Variants in DCAF5 observed in about 807,000 individuals in gnomAD.
DCAF5 encodes DDB1- and CUL4-associated factor 5.
Under a neutral mutation model 80.7 loss-of-function variants are expected in DCAF5, and 9 were observed. The observed-to-expected ratio is 0.11, with a 90% CI of 0.07 to 0.19. DCAF5 has a LOEUF of 0.19. DCAF5 is among the 10% of genes least tolerant of loss of function. The pLI is 1.00. For synonymous variants in DCAF5, 433 were observed against 461.9 expected (o/e 0.94, Z 0.80); for missense variants, 842 against 1,205.7 (o/e 0.70, Z 4.47).
In DCAF5 at chr14:69,052,316, C is replaced by T. The variant is rs910329737; in HGVS notation, c.*1541G>A. ...TGGCTCCAGTTCCAGCAGGACAGGC[C>T]TTCCTCTGAAAGGAAGCCTGGGGCA... On this transcript the variant is annotated 3_prime_UTR_variant, in exon 9 of 9. Transcript: ENST00000341516. 6.5e-6 allele frequency: 1 copy of T among 152,736 alleles called. No individual in the cohort carries two copies. The highest frequency in any genetic ancestry group is 1.5e-5 in the Non-Finnish European group (1 of 68,078). 9.5% of individuals were successfully genotyped at this position (152,736 alleles called of 1,614,324 possible). A position where few individuals can be genotyped will look rare whatever the true frequency, so the allele number is the denominator to read the frequency against.
chr14:69,126,000 G>A (rs888029713), intron 1 of DCAF5, among the ~76,000 whole-genome samples: 4 of 151,856 alleles, frequency 2.6e-5, no homozygotes, highest in African/African-American at 9.7e-5. Flanking sequence ...ATATACAAAA[G>A]TCCATCACTT....
chr14:69,105,914 C>CATATATATATATAT (rs35075766), intron 5 of DCAF5, among the ~76,000 whole-genome samples: 641 of 49,866 alleles, frequency 0.013, 30 homozygotes, highest in Non-Finnish European at 0.023. Flanking sequence ...AATAAACTGT[C>CATATATATATATAT]ATATATATAT....
chr14:69,097,495 T>C (rs537820625), intron 5 of DCAF5, among the ~76,000 whole-genome samples: 1 of 152,158 alleles, frequency 6.6e-6, no homozygotes, highest in African/African-American at 2.4e-5. Flanking sequence ...CTATATGCAA[T>C]GTACTTTCTA....
At chr14:69,095,970 G>A (rs560072089) in intron 5 of DCAF5, among the ~76,000 whole-genome samples, 62 of 152,080 alleles carry the variant, frequency 4.1e-4, no homozygotes, top group Non-Finnish European at 8.1e-4. Flanking sequence ...GAAAAGCAAG[G>A]TCCTTTCTAT....
chr14:69,107,192 G>C (rs2040192376), intron 5 of DCAF5, among the ~76,000 whole-genome samples: 1 of 152,126 alleles, frequency 6.6e-6, no homozygotes, highest in Admixed American at 6.5e-5. Flanking sequence ...CATTTACCAG[G>C]CATTCCCCAG....
At chr14:69,122,532 G>A (rs7141235) in intron 1 of DCAF5, among the ~76,000 whole-genome samples, 172 bp from the exon 2 acceptor site, 143,171 of 152,230 alleles carry the variant, frequency 0.94, 67,419 homozygotes, top group East Asian at 0.98. Flanking sequence ...CAATAGGCAC[G>A]TGTTCTCTAG....
intron 6 of DCAF5, chr14:69,089,467 T>C (rs1488299142): frequency 1.4e-5 from 2 of 147,748 alleles, no homozygotes; most frequent in Non-Finnish European, 2.9e-5. Context: ...AAAGAAGTCT[T>C]GTCTGTCAGA....
intron 1 of DCAF5, among the ~76,000 whole-genome samples, chr14:69,151,266 T>C (rs1431637948): frequency 2.0e-5 from 3 of 152,168 alleles, no homozygotes; most frequent in Non-Finnish European, 4.4e-5. Context: ...GAAAACGATC[T>C]GGGGTACAAA....
chr14:69,153,139 C>G, upstream of DCAF5: 1 of 495,514 alleles, frequency 2.0e-6, no homozygotes, highest in East Asian at 3.6e-5. Context: ...CGGCGGCGTT[C>G]GCGGCTTCCT....
intron 1 of DCAF5, among the ~76,000 whole-genome samples, chr14:69,136,113 CTTTTTT>C (rs35359938): frequency 2.7e-4 from 34 of 125,298 alleles, no homozygotes; most frequent in African/African-American, 7.5e-4. Flanking sequence ...ATGTGTAAAA[CTTTTTT>C]TTTTTTTTTT....
chr14:69,093,507 G>A (rs1408326709), intron 5 of DCAF5, among the ~76,000 whole-genome samples: 1 of 152,144 alleles, frequency 6.6e-6, no homozygotes, highest in Non-Finnish European at 1.5e-5. Flanking sequence ...TAATATTGAA[G>A]GAAGATAACA....
chr14:69,119,254 C>T, intron 2 of DCAF5, 24 bp from the exon 3 acceptor site: 1 of 1,612,060 alleles, frequency 6.2e-7, no homozygotes, highest in Non-Finnish European at 8.5e-7. Flanking sequence ...AAGCAGACAT[C>T]TGATCATTCG....
intron 6 of DCAF5, chr14:69,084,647 C>CA (rs1566740022): frequency 5.6e-6 from 6 of 1,062,104 alleles, no homozygotes; most frequent in African/African-American, 3.2e-5. Flanking sequence ...TAAGAAGAAC[C>CA]AAAAAAAGAA....
intron 5 of DCAF5, among the ~76,000 whole-genome samples, chr14:69,092,429 C>A (rs2039565623): frequency 6.6e-6 from 1 of 152,130 alleles, no homozygotes; most frequent in South Asian, 2.1e-4. Context: ...CCAGCCCTGG[C>A]AACATAATGA....
At chr14:69,121,806 T>C (rs370318708) in intron 2 of DCAF5, among the ~76,000 whole-genome samples, 13 of 152,174 alleles carry the variant, frequency 8.5e-5, no homozygotes, top group African/African-American at 3.1e-4. Flanking sequence ...AGGAGCCATC[T>C]GTGGGTCAGG....
At chr14:69,077,834 T>C (rs1271405879) in intron 6 of DCAF5, among the ~76,000 whole-genome samples, 1 of 152,130 alleles carries the variant, frequency 6.6e-6, no homozygotes. Flanking sequence ...AAAACACTTG[T>C]AGGAACATGA....
At chr14:69,088,989 C>CG (rs1555372000) in intron 6 of DCAF5, among the ~76,000 whole-genome samples, 1 of 152,094 alleles carries the variant, frequency 6.6e-6, no homozygotes, top group African/African-American at 2.4e-5. Flanking sequence ...ACTTCTTGTG[C>CG]ACACTTAAAA....
At chr14:69,151,240 T>C (rs1368158224) in intron 1 of DCAF5, among the ~76,000 whole-genome samples, 1 of 152,114 alleles carries the variant, frequency 6.6e-6, no homozygotes, top group African/African-American at 2.4e-5. Flanking sequence ...AGGGCCAAAA[T>C]CTACCTAGTC....
rs552967280 is a variant in DCAF5, at chr14:69,128,085, T to G, written c.215-5725A>C. The stretch of plus-strand genomic sequence containing the variant: ...GTATGTCTGGAATTTCCTTTAAAAC[T>G]TTCCAGAAAAAAAAGTAGAGGGATA... On this transcript the variant is annotated intron_variant, in intron 1 of 8. Transcript: ENST00000341516. 1.4e-3 allele frequency among the ~76,000 whole-genome samples: 215 copies of G among 152,196 alleles called. 5 individuals are homozygous for G. The South Asian group carries it at 0.028, about 20-fold the overall frequency.
Sources: gnomAD v4.1 joint callset for allele counts (sites outside exome capture counted in the v4.1 genomes callset) on GRCh38, gnomAD v4.1.1 for gene constraint, MANE v1.5 for transcripts, NCBI Gene and HGNC (gene_info 2026-07-23, HGNC 2026-07-21) for gene names.